GRID2: variants seen among roughly 807,000 people sequenced by gnomAD.
The protein encoded by GRID2 is glutamate ionotropic receptor delta type subunit 2.
In GRID2, 33 loss-of-function variants were observed where a neutral mutation model predicts 114.8. The ratio of observed to expected loss-of-function variants is 0.29; its 90% CI spans 0.22 to 0.38. The LOEUF is 0.38. Among genes scored for constraint, GRID2 ranks in the 10% least tolerant of loss-of-function variants. The probability of loss-of-function intolerance (pLI) is 1.00; values close to 1 mark genes in which losing one functional copy is unlikely to be tolerated. For synonymous variants in GRID2, 505 were observed against 449.9 expected (o/e 1.12, Z -1.55); for missense variants, 1,184 against 1,257.7 (o/e 0.94, Z 0.89).
At chr4:92,505,015 A>G (rs1723884365) in intron 1 of GRID2, among the ~76,000 whole-genome samples, 1 of 152,024 alleles carries the variant, frequency 6.6e-6, no homozygotes, top group Non-Finnish European at 1.5e-5. Flanking sequence ...TAAACCGTCG[A>G]ATCATTTAAA....
chr4:92,326,863 A>C (rs1368441614), intron 1 of GRID2, among the ~76,000 whole-genome samples: 1 of 151,982 alleles, frequency 6.6e-6, no homozygotes, highest in Non-Finnish European at 1.5e-5. Context: ...CTGTGTCAAG[A>C]ACAGTTTTCA....
chr4:93,399,624 G>A (rs1249060529), intron 9 of GRID2, among the ~76,000 whole-genome samples: 1 of 152,090 alleles, frequency 6.6e-6, no homozygotes, highest in African/African-American at 2.4e-5. Context: ...AAGCAATAGA[G>A]CCATGGGAGA....
intron 1 of GRID2, among the ~76,000 whole-genome samples, chr4:92,483,915 G>A (rs186041034): frequency 3.2e-4 from 48 of 152,238 alleles, no homozygotes; most frequent in Admixed American, 1.4e-3. Context: ...TTTAAGAAAT[G>A]GAAATATTGC....
rs1212752642 is a variant in GRID2 at position 92,562,205 on chromosome 4, G to T, written c.89-27926G>T. On this transcript the variant is annotated intron_variant, in intron 1 of 15. Transcript: ENST00000282020. The stretch of plus-strand genomic sequence containing the variant: ...TAACAACATGAAATCTCCTTGAAAA[G>T]AACAAGTTCAGTTTATTTAGACTGA... 5.3e-5 allele frequency among the ~76,000 whole-genome samples: 8 copies of T among 152,036 alleles called. No homozygotes were observed. The East Asian group carries it at 1.4e-3, about 26-fold the overall frequency.
intron 4 of GRID2, among the ~76,000 whole-genome samples, chr4:93,137,357 C>A (rs1364182697): frequency 6.6e-6 from 1 of 152,050 alleles, no homozygotes; most frequent in Non-Finnish European, 1.5e-5. Flanking sequence ...CAGGATGATG[C>A]CTTGCCCTTG....
At chr4:92,767,916 CAA>C (rs750712850) in intron 2 of GRID2, among the ~76,000 whole-genome samples, 8 of 112,670 alleles carry the variant, frequency 7.1e-5, no homozygotes, top group Admixed American at 9.4e-5. Context: ...GCCATCATCT[CAA>C]AAAAAAAAAA....
chr4:93,475,093 C>A (rs1725196818), intron 11 of GRID2, among the ~76,000 whole-genome samples: 1 of 152,126 alleles, frequency 6.6e-6, no homozygotes, highest in South Asian at 2.1e-4. Context: ...CAGCCCAGTA[C>A]AATAACCTTG....
intron 9 of GRID2, among the ~76,000 whole-genome samples, chr4:93,412,237 C>G (rs568279635): frequency 1.2e-3 from 179 of 150,954 alleles, no homozygotes; most frequent in South Asian, 4.2e-3. Context: ...CATCCCCCCC[C>G]CCCAAAAAAA....
chr4:93,685,772 C>T (rs1280191040), intron 14 of GRID2, among the ~76,000 whole-genome samples: 1 of 152,072 alleles, frequency 6.6e-6, no homozygotes, highest in African/African-American at 2.4e-5. Flanking sequence ...GGAGCAGACT[C>T]TAGAACCAGA....
intron 4 of GRID2, among the ~76,000 whole-genome samples, chr4:93,183,738 G>T (rs1740127931): frequency 6.6e-6 from 1 of 152,200 alleles, no homozygotes; most frequent in African/African-American, 2.4e-5. Context: ...GAATAGAGCA[G>T]GAGAAATAAA....
At chr4:92,863,754 A>G (rs1464076433) in intron 2 of GRID2, among the ~76,000 whole-genome samples, 2 of 152,064 alleles carry the variant, frequency 1.3e-5, no homozygotes, top group African/African-American at 4.8e-5. Context: ...GAGGTTTCTA[A>G]TAGTTTTGCT....
chr4:92,346,781 A>G (rs1399021405), intron 1 of GRID2, among the ~76,000 whole-genome samples: 1 of 152,230 alleles, frequency 6.6e-6, no homozygotes, highest in Non-Finnish European at 1.5e-5. Flanking sequence ...TAAAATCAGA[A>G]TATAAAAATT....
intron 9 of GRID2, among the ~76,000 whole-genome samples, chr4:93,406,661 ATG>A (rs1560587259): frequency 5.9e-5 from 9 of 152,132 alleles, no homozygotes; most frequent in African/African-American, 2.2e-4. Flanking sequence ...TGTAGAAAGT[ATG>A]TATTTATCTT....
chr4:93,191,229 G>A (rs1171066169), intron 4 of GRID2, among the ~76,000 whole-genome samples: 7 of 152,112 alleles, frequency 4.6e-5, no homozygotes, highest in Non-Finnish European at 1.0e-4. Flanking sequence ...TGTACTGGTA[G>A]TATGTATGAT....
intron 2 of GRID2, among the ~76,000 whole-genome samples, chr4:92,811,067 A>G (rs537639492): frequency 1.4e-4 from 21 of 152,230 alleles, no homozygotes; most frequent in Admixed American, 3.3e-4. Flanking sequence ...ACAGGCATGA[A>G]CTGCTGTGCC....
chr4:92,687,341 T>C (rs1181970808), intron 2 of GRID2, among the ~76,000 whole-genome samples: 2 of 152,098 alleles, frequency 1.3e-5, no homozygotes, highest in Admixed American at 6.5e-5. Flanking sequence ...CCTGTATATA[T>C]ATGTAGATAT....
At chr4:92,482,064 G>T in intron 1 of GRID2, among the ~76,000 whole-genome samples, 1 of 131,018 alleles carries the variant, frequency 7.6e-6, no homozygotes, top group Non-Finnish European at 1.6e-5. Context: ...TAGCTGCTCA[G>T]AGAATTTTGA....
intron 13 of GRID2, among the ~76,000 whole-genome samples, chr4:93,588,565 CTA>C (rs1309163668): frequency 6.6e-6 from 1 of 152,140 alleles, no homozygotes; most frequent in Non-Finnish European, 1.5e-5. Flanking sequence ...GTATTATTGT[CTA>C]TGTTTTTCTG....
At chr4:92,906,418 C>G (rs1208673632) in intron 2 of GRID2, among the ~76,000 whole-genome samples, 2 of 151,922 alleles carry the variant, frequency 1.3e-5, no homozygotes, top group Non-Finnish European at 2.9e-5. Flanking sequence ...CTGAGCTGAG[C>G]TCAGAGCCAA....
Sources: gnomAD v4.1 joint callset for allele counts (sites outside exome capture counted in the v4.1 genomes callset) on GRCh38, gnomAD v4.1.1 for gene constraint, MANE v1.5 for transcripts, NCBI Gene and HGNC (gene_info 2026-07-23, HGNC 2026-07-21) for gene names.